MEGF10: variants seen among roughly 807,000 people sequenced by gnomAD.
MEGF10 encodes multiple EGF like domains 10.
Under a neutral mutation model 147.5 loss-of-function variants are expected in MEGF10, and 86 were observed. The observed-to-expected ratio is 0.58, with a 90% CI of 0.49 to 0.70. MEGF10 has a LOEUF of 0.70. Ranked by LOEUF, MEGF10 falls within the 30% of genes least tolerant of loss-of-function variation. The probability of loss-of-function intolerance (pLI) is 0.00; values close to 1 mark genes in which losing one functional copy is unlikely to be tolerated. For synonymous variants in MEGF10, 478 were observed against 525.5 expected, an observed-to-expected ratio of 0.91 and a Z score of 1.24; for missense variants, 1,329 against 1,487.3, an observed-to-expected ratio of 0.89 and a Z score of 1.75.
intron 5 of MEGF10, among the ~76,000 whole-genome samples, chr5:127,376,133 G>C (rs929323613): frequency 2.0e-5 from 3 of 152,204 alleles, no homozygotes; most frequent in Non-Finnish European, 2.9e-5. Flanking sequence ...TTCACTTTCA[G>C]TTGGGGACAG....
In MEGF10 at chr5:127,419,108, G is replaced by C; in HGVS notation, c.1306-12G>C. On this transcript the variant is annotated splice_polypyrimidine_tract_variant and intron_variant, in intron 10 of 24. Transcript: ENST00000503335. ...CAAAATTGAATGCATTTTGCTACTT[G>C]TGCCTGTCTAGGGAATTGACTGCTC... 6.3e-7 allele frequency: 1 copy of C among 1,594,516 alleles called. No homozygotes were observed. The highest frequency in any genetic ancestry group is 8.5e-7 in the Non-Finnish European group (1 of 1,174,174).
upstream of MEGF10, among the ~76,000 whole-genome samples, chr5:127,289,400 G>A (rs1298410740): frequency 6.6e-6 from 1 of 152,188 alleles, no homozygotes; most frequent in Non-Finnish European, 1.5e-5. Flanking sequence ...CCAGATCAAA[G>A]TTCCAACTCC....
intron 9 of MEGF10, among the ~76,000 whole-genome samples, chr5:127,415,411 A>G (rs759796630): frequency 6.6e-6 from 1 of 152,168 alleles, no homozygotes; most frequent in Non-Finnish European, 1.5e-5. Context: ...AAGGAGAATG[A>G]TATGATTTAC....
chr5:127,231,998 A>G, the MEGF10 span, among the ~76,000 whole-genome samples: 4 of 152,256 alleles, frequency 2.6e-5, no homozygotes, highest in Admixed American at 1.3e-4. Flanking sequence ...TTTATTACAC[A>G]TAACAGCAAA....
At chr5:127,449,304 G>A in intron 22 of MEGF10, 82 bp downstream of exon 22, 1 of 1,570,288 alleles carries the variant, frequency 6.4e-7, no homozygotes, top group Non-Finnish European at 8.6e-7. Flanking sequence ...TTTGTGCCAA[G>A]GTGTTCTATT....
rs569639661 is a variant in MEGF10, at chr5:127,317,813, A to C, written c.-18-13478A>C. The stretch of plus-strand genomic sequence containing the variant: ...AATACCTAATATAAATGATGAGTTA[A>C]TGGGTGCAGCAAACCAACATGGTAC... On this transcript the variant is annotated intron_variant, in intron 1 of 24. Coordinates refer to ENST00000503335, the MANE Select transcript of MEGF10 (RefSeq NM_001256545.2). Among the ~76,000 whole-genome samples the C allele has an allele frequency of 7.2e-5, 11 of 152,276 alleles. No homozygotes were observed. The East Asian group carries it at 2.1e-3, about 29-fold the overall frequency.
intron 13 of MEGF10, chr5:127,424,597 A>T (rs1765148259): frequency 7.4e-7 from 1 of 1,345,324 alleles, no homozygotes; most frequent in Non-Finnish European, 9.5e-7. Flanking sequence ...AACTGAGATG[A>T]ACTGTCATGT....
intron 23 of MEGF10, among the ~76,000 whole-genome samples, chr5:127,454,840 G>A (rs555623878): frequency 8.5e-5 from 13 of 152,156 alleles, no homozygotes; most frequent in Non-Finnish European, 1.8e-4. Context: ...TCAGTTTGCT[G>A]AGGAAACACT....
At position 127,340,570 on chromosome 5, in the gene MEGF10, A is replaced by C. The variant is rs41298304; in HGVS notation, c.259A>C (p.Met87Leu). ...RTAYRHGEKT[M>L]YRRKSQCCPG... ...AGCCTATCGACATGGGGAGAAGACT[A>C]TGTATAGGCGCAAGTCTCAGTGTTG... The change falls in exon 4 of 25, where the codon ATG (methionine) becomes CTG (leucine). Residue 87 changes from methionine (M) to leucine (L), a missense_variant. Around this residue, in one of 3 missense-constraint regions of MEGF10, gnomAD observed 980 missense variants for 1,085.9 expected, o/e 0.90. Coordinates refer to ENST00000503335, the MANE Select transcript of MEGF10 (RefSeq NM_001256545.2). The C allele has an allele frequency of 3.1e-6, 5 of 1,612,952 alleles. No homozygotes were observed. The highest frequency in any genetic ancestry group is 4.2e-6 in the Non-Finnish European group (5 of 1,179,156).
At chr5:127,259,419 G>C in the MEGF10 span, among the ~76,000 whole-genome samples, 16 of 152,156 alleles carry the variant, frequency 1.1e-4, 1 homozygote, top group Non-Finnish European at 1.6e-4. Flanking sequence ...ATGGGTCCTT[G>C]AGTTGCACTG....
intron 5 of MEGF10, among the ~76,000 whole-genome samples, chr5:127,383,350 C>A (rs1268338426): frequency 6.6e-6 from 1 of 152,018 alleles, no homozygotes; most frequent in Non-Finnish European, 1.5e-5. Context: ...AGCTTATAGT[C>A]CTAGCTACCA....
chr5:127,249,081 T>C, the MEGF10 span, among the ~76,000 whole-genome samples: 8 of 152,024 alleles, frequency 5.3e-5, no homozygotes, highest in Admixed American at 3.3e-4. Context: ...TTTTCTCACC[T>C]TTAAATTTCT....
intron 17 of MEGF10, 104 bp downstream of exon 17, chr5:127,438,671 G>T: frequency 3.9e-6 from 5 of 1,271,306 alleles, no homozygotes; most frequent in Non-Finnish European, 5.5e-6. Flanking sequence ...GGTCCCTGAG[G>T]TTGGAGTACT....
chr5:127,282,339 T>G, the MEGF10 span, among the ~76,000 whole-genome samples: 1 of 152,112 alleles, frequency 6.6e-6, no homozygotes, highest in Non-Finnish European at 1.5e-5. Context: ...GGGGTTGGGG[T>G]AGCTGCAGCA....
intron 1 of MEGF10, among the ~76,000 whole-genome samples, chr5:127,317,405 T>C (rs931521466): frequency 3.3e-5 from 5 of 152,252 alleles, no homozygotes; most frequent in Non-Finnish European, 7.3e-5. Context: ...CATGCCTATG[T>C]CCTGAATGGC....
At chr5:127,369,844 A>C (rs1161924409) in intron 4 of MEGF10, 66 bp from the exon 5 acceptor site, 3 of 1,273,178 alleles carry the variant, frequency 2.4e-6, no homozygotes, top group Admixed American at 3.8e-5. Flanking sequence ...GATGTGCAAC[A>C]GCTGTGTTGT....
chr5:127,279,262 T>G, the MEGF10 span, among the ~76,000 whole-genome samples: 1 of 152,204 alleles, frequency 6.6e-6, no homozygotes, highest in East Asian at 1.9e-4. Flanking sequence ...TGCTCCAGAC[T>G]GAGTGAACAA....
chr5:127,419,861 G>A (rs916524228), intron 11 of MEGF10, among the ~76,000 whole-genome samples, 183 bp from the exon 12 acceptor site: 6 of 152,176 alleles, frequency 3.9e-5, no homozygotes, highest in South Asian at 2.1e-4. Flanking sequence ...TGTTTGGGTC[G>A]TCAGGGGTGC....
intron 17 of MEGF10, among the ~76,000 whole-genome samples, chr5:127,439,780 C>T (rs1281916984): frequency 1.3e-5 from 2 of 152,126 alleles, no homozygotes; most frequent in Non-Finnish European, 2.9e-5. Context: ...ACTTAGGGTA[C>T]TTGGGGCTTA....
Sources: gnomAD v4.1 joint callset for allele counts (sites outside exome capture counted in the v4.1 genomes callset) on GRCh38, gnomAD v4.1.1 for gene constraint, gnomAD v4.1.1 regional missense constraint, MANE v1.5 for transcripts, NCBI Gene and HGNC (gene_info 2026-07-23, HGNC 2026-07-21) for gene names.